COL4A6: variants seen among roughly 807,000 people sequenced by gnomAD.
COL4A6 encodes the protein collagen alpha-6(IV) chain.
In COL4A6, 59 loss-of-function variants were observed where a neutral mutation model predicts 126.7. The observed-to-expected ratio is 0.47, with a 90% CI of 0.38 to 0.58. The LOEUF (loss-of-function observed/expected upper bound fraction) is 0.58. COL4A6 is among the 20% of genes least tolerant of loss of function. The pLI is 0.00. For missense variants in COL4A6, 1,285 were observed against 1,337.3 expected (o/e 0.96, Z 0.61); for synonymous variants, 547 against 496.6 (o/e 1.10, Z -1.35).
At chrX:108,338,107 A>T (rs1263044497) in intron 2 of COL4A6, among the ~76,000 whole-genome samples, 2 of 111,694 alleles carry the variant, frequency 1.8e-5, no homozygotes, top group African/African-American at 6.5e-5. Context: ...CATCCTGGCC[A>T]ATGAACAAGG....
intron 2 of COL4A6, among the ~76,000 whole-genome samples, chrX:108,343,305 C>A (rs1223802409): frequency 9.4e-6 from 1 of 105,847 alleles, no homozygotes; most frequent in Non-Finnish European, 1.9e-5. Flanking sequence ...CTTCTGTCTT[C>A]ATGCCATCTA....
At chrX:108,398,285 G>A (rs906597302) in intron 2 of COL4A6, among the ~76,000 whole-genome samples, 1 of 111,856 alleles carries the variant, frequency 8.9e-6, no homozygotes, top group African/African-American at 3.2e-5. Flanking sequence ...CTCATTTTAT[G>A]TAAAGAATCA....
intron 2 of COL4A6, among the ~76,000 whole-genome samples, chrX:108,333,973 A>G (rs1364550201): frequency 2.7e-5 from 3 of 111,695 alleles, no homozygotes; most frequent in Non-Finnish European, 5.7e-5. Flanking sequence ...CATACTGCCC[A>G]AAGCAATCTA....
intron 15 of COL4A6, 125 bp downstream of exon 15, chrX:108,194,957 A>C: frequency 1.8e-6 from 1 of 561,334 alleles, no homozygotes; most frequent in Non-Finnish European, 2.9e-6. Context: ...GATTATACCA[A>C]AAAAAAGGGA....
intron 3 of COL4A6, among the ~76,000 whole-genome samples, chrX:108,270,979 G>A (rs1201139322): frequency 8.9e-6 from 1 of 112,008 alleles, no homozygotes; most frequent in Admixed American, 9.5e-5. Flanking sequence ...TAGAGCAAAA[G>A]GAGATAGTAA....
Position 108,282,454 on chromosome X carries a change from C to G in COL4A6, c.144+28294G>C, listed in dbSNP as rs1474097278. Among the ~76,000 whole-genome samples, 8 of 111,305 alleles carry G rather than the reference C, an allele frequency of 7.2e-5. No individual in the cohort carries two copies. The South Asian group carries it at 1.5e-3, about 21-fold the overall frequency. On this transcript the variant is annotated intron_variant, in intron 3 of 44. Transcript: ENST00000334504. ...AATCAAAACCACAATGAGATACCAT[C>G]TCACACCAGTTAGAATGGCAATCAT...
At chrX:108,165,292 G>T in intron 38 of COL4A6, 78 bp downstream of exon 38, 3 of 888,259 alleles carry the variant, frequency 3.4e-6, no homozygotes, top group Non-Finnish European at 5.0e-6. Context: ...CAGGGACTTG[G>T]CTGCGCTGTA....
intron 5 of COL4A6, among the ~76,000 whole-genome samples, chrX:108,218,159 C>T (rs2035913885): frequency 8.9e-6 from 1 of 112,268 alleles, no homozygotes; most frequent in African/African-American, 3.2e-5. Context: ...CCCATTAAAA[C>T]AAGACTGCAG....
intron 2 of COL4A6, among the ~76,000 whole-genome samples, chrX:108,365,742 G>A (rs777193914): frequency 9.1e-4 from 102 of 111,713 alleles, no homozygotes; most frequent in African/African-American, 3.2e-3. Context: ...AGTAAGTCTG[G>A]GCAAGACCTG....
intron 2 of COL4A6, among the ~76,000 whole-genome samples, chrX:108,405,616 T>C (rs1271640651): frequency 1.8e-5 from 2 of 111,776 alleles, no homozygotes; most frequent in Non-Finnish European, 1.9e-5. Flanking sequence ...CAGATCTCTG[T>C]TCTTTTCATG....
chrX:108,416,829 T>C (rs1163327982), intron 2 of COL4A6, among the ~76,000 whole-genome samples: 1 of 112,011 alleles, frequency 8.9e-6, no homozygotes, highest in Non-Finnish European at 1.9e-5. Flanking sequence ...GCACAATCAA[T>C]GAGGATTAAG....
chrX:108,190,389 C>A lies in COL4A6; in HGVS notation c.1426+3G>T. 1 of 1,178,243 alleles carries A rather than the reference C, an allele frequency of 8.5e-7. No individual in the cohort carries two copies. Among genetic ancestry groups the A allele is most frequent in the Non-Finnish European group, 1.2e-6 (1 of 869,048 alleles). ...ACCAAGAAACTCAAGGGGACAAAATCACCTTTTATTCCTTTGAGGCCTAGG... is the reference window on the plus strand; with the variant it reads ...ACCAAGAAACTCAAGGGGACAAAATAACCTTTTATTCCTTTGAGGCCTAGG... On this transcript the variant is annotated splice_donor_region_variant and intron_variant, in intron 20 of 44. Coordinates refer to ENST00000334504, the MANE Select transcript of COL4A6 (RefSeq NM_033641.4).
At chrX:108,289,170 C>T (rs758930859) in intron 3 of COL4A6, among the ~76,000 whole-genome samples, 6 of 109,744 alleles carry the variant, frequency 5.5e-5, no homozygotes, top group South Asian at 4.0e-4. Context: ...ATTGGGATAA[C>T]GGGGAAGTTT....
intron 2 of COL4A6, among the ~76,000 whole-genome samples, chrX:108,343,165 A>AGTGT (rs55685604): frequency 0.03 from 936 of 31,175 alleles, 40 homozygotes; most frequent in African/African-American, 0.08. Context: ...ATATATATAT[A>AGTGT]GTGTGTGTGT....
chrX:108,403,694 C>A (rs1380753516), intron 2 of COL4A6, among the ~76,000 whole-genome samples: 1 of 110,785 alleles, frequency 9.0e-6, no homozygotes, highest in African/African-American at 3.3e-5. Context: ...GGAATATATC[C>A]CTAGTTTTTT....
chrX:108,292,953 G>GAAA (rs1299619024), intron 3 of COL4A6, among the ~76,000 whole-genome samples: 235 of 13,277 alleles, frequency 0.018, 5 homozygotes, highest in African/African-American at 0.046. Flanking sequence ...CGTCTCTTAG[G>GAAA]AAAAAAAAAA....
chrX:108,394,972 T>C, intron 2 of COL4A6, among the ~76,000 whole-genome samples: 1 of 111,369 alleles, frequency 9.0e-6, no homozygotes, highest in Non-Finnish European at 1.9e-5. Flanking sequence ...TGAATGTATA[T>C]TATTACTCAA....
At chrX:108,245,786 A>G (rs748492776) in intron 3 of COL4A6, among the ~76,000 whole-genome samples, 2 of 111,905 alleles carry the variant, frequency 1.8e-5, no homozygotes, top group Admixed American at 1.9e-4. Context: ...TTCAAGCTCT[A>G]CGGCCTAATA....
chrX:108,397,054 C>T (rs181718947), intron 2 of COL4A6, among the ~76,000 whole-genome samples: 1 of 112,132 alleles, frequency 8.9e-6, no homozygotes, highest in African/African-American at 3.2e-5. Context: ...TCTTACACAT[C>T]GTATCTTCCA....
Sources: allele counts gnomAD v4.1 joint callset (sites outside exome capture counted in the v4.1 genomes callset), GRCh38; gene constraint gnomAD v4.1.1; transcripts MANE v1.5; gene names NCBI Gene and HGNC (gene_info 2026-07-23, HGNC 2026-07-21).